Variants in SOX5 observed in about 807,000 individuals in gnomAD.
SOX5 encodes SRY-box transcription factor 5, also known as transcription factor SOX-5.
A neutral mutation model predicts 92.0 loss-of-function variants in SOX5; 9 were observed. The ratio of observed to expected loss-of-function variants is 0.10; its 90% CI spans 0.06 to 0.17. SOX5 has a LOEUF of 0.17. SOX5 is among the 10% of genes least tolerant of loss of function. The pLI, the probability that SOX5 is intolerant of heterozygous loss-of-function variation, is 1.00. For synonymous variants in SOX5, 344 were observed against 336.3 expected (o/e 1.02, Z -0.25); for missense variants, 642 against 944.5 (o/e 0.68, Z 4.20).
chr12:23,943,756 T>G (rs1009463906), intron 1 of SOX5, among the ~76,000 whole-genome samples: 4 of 152,104 alleles, frequency 2.6e-5, no homozygotes, highest in African/African-American at 9.7e-5. Context: ...TGATTTAAGG[T>G]TTGACACTGA....
intron 1 of SOX5, among the ~76,000 whole-genome samples, chr12:24,510,943 C>G (rs975916393): frequency 2.0e-5 from 3 of 152,176 alleles, no homozygotes; most frequent in Admixed American, 6.5e-5. Flanking sequence ...TGAACGCATT[C>G]CACTTATTTT....
At chr12:24,175,696 G>T (rs1022172410) in intron 4 of SOX5, among the ~76,000 whole-genome samples, 3 of 152,108 alleles carry the variant, frequency 2.0e-5, no homozygotes, top group African/African-American at 7.2e-5. Flanking sequence ...CATCTCCAGT[G>T]GGCTCTACAC....
In SOX5 at chr12:23,734,664, T is replaced by A; in HGVS notation, c.810+20A>T. ...ATATATTTTTTAAATTGTAAGTATA[T>A]TGAAATTATGATTTCTGACCTGGAT... On this transcript the variant is annotated intron_variant, in intron 6 of 14. Coordinates refer to ENST00000451604, the MANE Select transcript of SOX5 (RefSeq NM_006940.6). 1 of 1,572,484 alleles carries A rather than the reference T, an allele frequency of 6.4e-7. No homozygotes were observed. Among genetic ancestry groups the A allele is most frequent in the Non-Finnish European group, 8.7e-7 (1 of 1,145,432 alleles).
At chr12:23,585,230 G>C (rs1950559574) in intron 9 of SOX5, among the ~76,000 whole-genome samples, 1 of 152,154 alleles carries the variant, frequency 6.6e-6, no homozygotes, top group African/African-American at 2.4e-5. Flanking sequence ...CTCTTGTAAT[G>C]AATTCTCCTC....
At chr12:23,758,440 A>G (rs888658078) in intron 3 of SOX5, among the ~76,000 whole-genome samples, 2 of 151,410 alleles carry the variant, frequency 1.3e-5, no homozygotes, top group African/African-American at 4.9e-5. Context: ...CAACAAAATG[A>G]TAATAATAGC....
chr12:23,991,413 T>C (rs1950548280), intron 4 of SOX5, among the ~76,000 whole-genome samples: 1 of 151,810 alleles, frequency 6.6e-6, no homozygotes, highest in Non-Finnish European at 1.5e-5. Flanking sequence ...TACTTCATAA[T>C]CAAATATATT....
At chr12:23,732,179 A>C (rs969496703) in intron 6 of SOX5, among the ~76,000 whole-genome samples, 2 of 152,158 alleles carry the variant, frequency 1.3e-5, no homozygotes, top group African/African-American at 4.8e-5. Flanking sequence ...CTTCCAAGAA[A>C]AAGGAGGCAG....
In SOX5 at chr12:23,755,734, G is replaced by A; in HGVS notation, c.482-10C>T. The A allele has an allele frequency of 1.3e-6, 2 of 1,520,362 alleles. No individual in the cohort carries two copies. The highest frequency in any genetic ancestry group is 2.9e-5 in the African/African-American group (2 of 69,710). 94.2% of individuals were successfully genotyped at this position (1,520,362 alleles called of 1,614,324 possible). A position where few individuals can be genotyped will look rare whatever the true frequency, so the allele number is the denominator to read the frequency against. ...TCAATACTGGGGGTTTCTAAGTAAAGAAAAAAAGAAGTGAGCAAATCAACA... is the reference window on the plus strand; with the variant it reads ...TCAATACTGGGGGTTTCTAAGTAAAAAAAAAAAGAAGTGAGCAAATCAACA... On this transcript the variant is annotated splice_polypyrimidine_tract_variant and intron_variant, in intron 3 of 14. Transcript: ENST00000451604.
intron 1 of SOX5, among the ~76,000 whole-genome samples, chr12:24,407,858 G>A (rs1046917112): frequency 6.6e-6 from 1 of 152,176 alleles, no homozygotes; most frequent in African/African-American, 2.4e-5. Context: ...AAGAGGAAAC[G>A]TAGTAGGGAA....
Position 23,912,284 on chromosome 12 carries a change from C to A in SOX5, c.39-16260G>T, listed in dbSNP as rs959443599. Among the ~76,000 whole-genome samples the A allele has an allele frequency of 5.9e-5, 9 of 152,048 alleles. No individual in the cohort carries two copies. The East Asian group carries it at 7.7e-4, about 13-fold the overall frequency. On this transcript the variant is annotated intron_variant, in intron 1 of 14. Transcript: ENST00000451604. ...CATTAGTTATCAAGGAAATGCAAAC[C>A]AAAATCACAATAAGATGTCACTGCA...
At chr12:24,477,648 G>A (rs1489542939) in intron 1 of SOX5, among the ~76,000 whole-genome samples, 1 of 152,100 alleles carries the variant, frequency 6.6e-6, no homozygotes, top group Non-Finnish European at 1.5e-5. Context: ...CTACTTTTAA[G>A]GAAAGAGACA....
intron 3 of SOX5, among the ~76,000 whole-genome samples, chr12:23,770,478 T>C (rs1476303044): frequency 1.3e-5 from 2 of 152,012 alleles, no homozygotes; most frequent in Non-Finnish European, 2.9e-5. Context: ...GTGTGTAAGG[T>C]GGAATCAAGG....
At chr12:23,820,903 T>G (rs2955527) in intron 3 of SOX5, among the ~76,000 whole-genome samples, 43,105 of 151,792 alleles carry the variant, frequency 0.28, 6,245 homozygotes, top group African/African-American at 0.35. Flanking sequence ...CTTGGCTATA[T>G]GGGCTCTTTT....
intron 2 of SOX5, among the ~76,000 whole-genome samples, chr12:23,886,571 A>G (rs996154030): frequency 4.0e-5 from 6 of 151,876 alleles, no homozygotes; most frequent in Non-Finnish European, 7.4e-5. Context: ...GGTGGCTGTC[A>G]TTTGAAAGTG....
intron 11 of SOX5, among the ~76,000 whole-genome samples, chr12:23,559,580 C>T (rs148208075): frequency 1.4e-3 from 218 of 152,338 alleles, no homozygotes; most frequent in African/African-American, 5.0e-3. Context: ...AATCATCAGT[C>T]CCTATCTTCA....
At chr12:24,149,132 GA>G (rs1289964558) in intron 4 of SOX5, among the ~76,000 whole-genome samples, 1 of 152,036 alleles carries the variant, frequency 6.6e-6, no homozygotes. Flanking sequence ...AAAAGTTCTA[GA>G]AGAAAACAGA....
intron 11 of SOX5, among the ~76,000 whole-genome samples, chr12:23,560,152 C>T (rs1202365145): frequency 1.3e-5 from 2 of 152,062 alleles, no homozygotes; most frequent in African/African-American, 4.8e-5. Flanking sequence ...CTCGTGATCC[C>T]CCCGCCTCGG....
At chr12:23,967,734 G>A (rs976341064) in intron 4 of SOX5, among the ~76,000 whole-genome samples, 2 of 152,146 alleles carry the variant, frequency 1.3e-5, no homozygotes, top group African/African-American at 2.4e-5. Flanking sequence ...TCTTAACTAA[G>A]TATTAGTAAA....
At chr12:23,820,271 A>C (rs994874413) in intron 3 of SOX5, among the ~76,000 whole-genome samples, 3 of 151,362 alleles carry the variant, frequency 2.0e-5, no homozygotes, top group African/African-American at 7.3e-5. Context: ...TTTTTGGTGG[A>C]GTTGTTTAAT....
Sources: allele counts gnomAD v4.1 joint callset (sites outside exome capture counted in the v4.1 genomes callset), GRCh38; gene constraint gnomAD v4.1.1; transcripts MANE v1.5; gene names NCBI Gene and HGNC (gene_info 2026-07-23, HGNC 2026-07-21).